MIA2: variants seen among roughly 807,000 people sequenced by gnomAD.
MIA2 encodes melanoma inhibitory activity protein 2.
MIA2 carries 127 observed loss-of-function variants against 167.8 expected under a neutral mutation model. The observed-to-expected ratio is 0.76, with a 90% CI of 0.66 to 0.88. The LOEUF is 0.88. Ranked by LOEUF, MIA2 falls within the 40% of genes least tolerant of loss-of-function variation. MIA2 has a pLI of 0.00. For missense variants in MIA2, 1,690 were observed against 1,624.7 expected (o/e 1.04, Z -0.69); for synonymous variants, 552 against 541.9 (o/e 1.02, Z -0.26).
chr14:39,293,292 AG>A lies in MIA2; in HGVS notation c.2232del (p.Arg744SerfsTer13). 1 of 1,611,816 alleles carries A rather than the reference AG, an allele frequency of 6.2e-7. No homozygotes were observed. The highest frequency in any genetic ancestry group is 1.7e-5 in the Admixed American group (1 of 59,708). On this transcript the variant is annotated frameshift_variant, in exon 11 of 29. Transcript: ENST00000640607. LOFTEE classifies it high-confidence loss of function. ...SLEATCEKLN[R>X]SNSELEDEIL... ...TTAGGCAACCTGTGAAAAGCTGAAC[AG>A]GTCCAATTCTGAACTTGAGGATGAA...
At chr14:39,345,710 T>C (rs2073089965) in intron 25 of MIA2, among the ~76,000 whole-genome samples, 194 bp from the exon 26 acceptor site, 1 of 152,202 alleles carries the variant, frequency 6.6e-6, no homozygotes, top group Non-Finnish European at 1.5e-5. Flanking sequence ...CAGATTATGC[T>C]TGTGTTTACT....
At chr14:39,265,989 A>G in intron 6 of MIA2, 7 of 985,446 alleles carry the variant, frequency 7.1e-6, no homozygotes, top group Non-Finnish European at 8.4e-6. Flanking sequence ...AGCAATCTTG[A>G]GTTCTGAAAA....
At chr14:39,286,984 C>T (rs891395109) in intron 9 of MIA2, among the ~76,000 whole-genome samples, 10 of 152,096 alleles carry the variant, frequency 6.6e-5, no homozygotes, top group African/African-American at 2.2e-4. Flanking sequence ...CCTTGGCCTC[C>T]CAAAGTGCTG....
In MIA2 at chr14:39,350,199, T is replaced by C. The variant is rs1207400745; in HGVS notation, c.4174T>C (p.Ser1392Pro). 1 of 1,466,318 alleles carries C rather than the reference T, an allele frequency of 6.8e-7. No individual in the cohort carries two copies. The allele number at this position is 1,466,318 out of a possible 1,614,324, so 90.8% of individuals were successfully genotyped here. Residue 1392 changes from serine (S) to proline (P), a missense_variant, in exon 29 of 29, where the codon TCA (serine) becomes CCA (proline). Ser to Pro is a moderately conservative substitution (Grantham distance 74, BLOSUM62 -1). Transcript: ENST00000640607. ...PHSEGRSEFPSGLIPPSNEPA... is the reference protein window; with the variant it reads ...PHSEGRSEFPPGLIPPSNEPA... Reference sequence around the variant, plus strand: ...TTCTGAAGGTAGAAGTGAGTTCCCCTCAGGTTTGATTCCACCTTCAAATGA... The same window carrying C: ...TTCTGAAGGTAGAAGTGAGTTCCCCCCAGGTTTGATTCCACCTTCAAATGA...
intron 12 of MIA2, among the ~76,000 whole-genome samples, chr14:39,294,306 T>C (rs2061122424): frequency 6.6e-6 from 1 of 152,132 alleles, no homozygotes; most frequent in South Asian, 2.1e-4. Context: ...CAAGCAGTTC[T>C]CCTGCCTTAG....
chr14:39,241,753 A>C (rs2054049484), intron 3 of MIA2, among the ~76,000 whole-genome samples: 1 of 152,220 alleles, frequency 6.6e-6, no homozygotes, highest in Non-Finnish European at 1.5e-5. Context: ...TCCTTTGGTT[A>C]AAGCCCTTTA....
intron 6 of MIA2, among the ~76,000 whole-genome samples, chr14:39,273,379 G>A (rs1199285904): frequency 6.6e-6 from 1 of 151,672 alleles, no homozygotes; most frequent in Non-Finnish European, 1.5e-5. Flanking sequence ...TTGGGACAGG[G>A]CCTCACTCTG....
chr14:39,286,221 T>A (rs2059760277), intron 9 of MIA2, among the ~76,000 whole-genome samples: 1 of 152,224 alleles, frequency 6.6e-6, no homozygotes, highest in Admixed American at 6.5e-5. Flanking sequence ...GGCTGGCAGA[T>A]CACTCTTGGT....
chr14:39,313,343 A>G lies in MIA2; in HGVS notation c.3021A>G (p.Lys1007=), dbSNP rs144905256. Residue 1007 remains lysine, a synonymous_variant, in exon 19 of 29, where the codon AAA becomes AAG. Transcript: ENST00000640607. ...YQENEMKLHR[K]LTVEENYRLE... is the part of the protein sequence containing the mutation. ...TATAACATTTTTTGTTTTTAAGGAA[A>G]TTAACAGTAGAGGAAAATTATCGGT... The G allele has an allele frequency of 1.9e-5, 30 of 1,549,854 alleles. No homozygotes were observed. The African/African-American group carries it at 4.0e-4, about 21-fold the overall frequency.
chr14:39,276,837 C>A, intron 6 of MIA2, 97 bp from the exon 7 acceptor site: 1 of 1,335,742 alleles, frequency 7.5e-7, no homozygotes, highest in South Asian at 1.3e-5. Flanking sequence ...GTCTGGCAGC[C>A]CATTTTGTGT....
intron 6 of MIA2, among the ~76,000 whole-genome samples, chr14:39,268,504 A>G (rs772153951): frequency 6.6e-6 from 1 of 152,160 alleles, no homozygotes; most frequent in East Asian, 1.9e-4. Flanking sequence ...TTACCTAAGC[A>G]TACACACACA....
chr14:39,357,051 G>T (rs547305969), intron 23 of MIA2, among the ~76,000 whole-genome samples: 3 of 152,340 alleles, frequency 2.0e-5, no homozygotes, highest in South Asian at 2.1e-4. Flanking sequence ...GGAGAGTTCT[G>T]TAGATATCTA....
At chr14:39,335,553 TTA>T (rs2070172764) in intron 25 of MIA2, among the ~76,000 whole-genome samples, 2 of 152,192 alleles carry the variant, frequency 1.3e-5, no homozygotes, top group African/African-American at 4.8e-5. Flanking sequence ...CTGCTCTAAC[TTA>T]TCTCTTTTCT....
exon 24 of MIA2, chr14:39,387,000 A>G (rs778511465): frequency 1.3e-6 from 1 of 757,120 alleles, no homozygotes; most frequent in Non-Finnish European, 2.3e-6. Flanking sequence ...GACGACTCGT[A>G]TCTGTTCAAG....
At chr14:39,334,764 C>T (rs1276976016) in intron 25 of MIA2, among the ~76,000 whole-genome samples, 3 of 152,074 alleles carry the variant, frequency 2.0e-5, no homozygotes, top group Non-Finnish European at 2.9e-5. Flanking sequence ...GACGGGGTTT[C>T]ACCATGTTGG....
intron 23 of MIA2, among the ~76,000 whole-genome samples, chr14:39,358,904 C>T (rs761742531): frequency 6.6e-6 from 1 of 152,170 alleles, no homozygotes; most frequent in Non-Finnish European, 1.5e-5. Context: ...CCTGATCGTT[C>T]CTCTGAAAGT....
intron 24 of MIA2, among the ~76,000 whole-genome samples, chr14:39,325,068 C>G (rs1056989480): frequency 6.6e-6 from 1 of 152,070 alleles, no homozygotes; most frequent in Non-Finnish European, 1.5e-5. Flanking sequence ...ACAAAAAATA[C>G]AACAATTAAC....
At chr14:39,338,974 C>A (rs1018800328) in intron 25 of MIA2, among the ~76,000 whole-genome samples, 4 of 152,190 alleles carry the variant, frequency 2.6e-5, no homozygotes, top group South Asian at 4.2e-4. Context: ...AGTCCCTAAC[C>A]TTTTTGGCAT....
chr14:39,302,166 C>A lies in MIA2; in HGVS notation c.2657C>A (p.Ala886Asp). ...CGCTTGTTAAAGATGAAAGATTGGG[C>A]TGCTATGCTTGGAGAAGACATAACG... Reference protein sequence around the residue: ...TERLLKMKDWAAMLGEDITDD... With the variant: ...TERLLKMKDWDAMLGEDITDD... The change falls in exon 15 of 29, where the codon GCT becomes GAT. Residue 886 changes from alanine to aspartate, a missense_variant. Physicochemically the swap from Ala to Asp is moderately radical, Grantham distance 126. Transcript: ENST00000640607. 1 of 1,613,674 alleles carries A rather than the reference C, an allele frequency of 6.2e-7. No individual in the cohort carries two copies. Among genetic ancestry groups the A allele is most frequent in the Non-Finnish European group, 8.5e-7 (1 of 1,179,742 alleles).
Sources: gnomAD v4.1 joint callset for allele counts (sites outside exome capture counted in the v4.1 genomes callset) on GRCh38, gnomAD v4.1.1 for gene constraint, MANE v1.5 for transcripts, NCBI Gene and HGNC (gene_info 2026-07-23, HGNC 2026-07-21) for gene names.